Variants in PSMA1 observed in about 807,000 individuals in gnomAD.
PSMA1 encodes the protein proteasome subunit alpha type-1.
PSMA1 carries 3 observed loss-of-function variants against 38.4 expected under a neutral mutation model. The ratio of observed to expected loss-of-function variants is 0.08; its 90% CI spans 0.04 to 0.20. The LOEUF is 0.20. Ranked by LOEUF, PSMA1 falls within the 10% of genes least tolerant of loss-of-function variation. PSMA1 has a pLI of 1.00. For missense variants in PSMA1, 227 were observed against 325.3 expected (o/e 0.70, Z 2.32); for synonymous variants, 101 against 107.1 (o/e 0.94, Z 0.35).
chr11:14,605,938 A>G (rs776204140), intron 2 of PSMA1, among the ~76,000 whole-genome samples: 10 of 152,214 alleles, frequency 6.6e-5, no homozygotes, highest in Non-Finnish European at 1.5e-4. Flanking sequence ...TTAGAACGTC[A>G]TAAATTCTTT....
At chr11:14,554,516 C>T (rs1851921500) in intron 2 of PSMA1, among the ~76,000 whole-genome samples, 3 of 152,084 alleles carry the variant, frequency 2.0e-5, no homozygotes, top group African/African-American at 7.2e-5. Context: ...GGTTGAAGTT[C>T]ATTATTTTGC....
At chr11:14,569,636 G>A (rs949747170) in intron 2 of PSMA1, among the ~76,000 whole-genome samples, 5 of 152,288 alleles carry the variant, frequency 3.3e-5, no homozygotes, top group South Asian at 2.1e-4. Context: ...GAGATCAAAC[G>A]GCAAGGCGGC....
At chr11:14,527,453 T>C (rs1255693914) in intron 2 of PSMA1, among the ~76,000 whole-genome samples, 2 of 152,190 alleles carry the variant, frequency 1.3e-5, no homozygotes, top group African/African-American at 4.8e-5. Flanking sequence ...GCCTGCCTCT[T>C]AGAACCTCTC....
At chr11:14,518,500 A>C (rs1851473108) in intron 2 of PSMA1, among the ~76,000 whole-genome samples, 1 of 152,240 alleles carries the variant, frequency 6.6e-6, no homozygotes, top group Non-Finnish European at 1.5e-5. Context: ...CAGAATGAAC[A>C]CATCCGTTGT....
chr11:14,553,107 G>A (rs1284151846), intron 2 of PSMA1, among the ~76,000 whole-genome samples: 6 of 152,002 alleles, frequency 3.9e-5, no homozygotes, highest in Non-Finnish European at 5.9e-5. Flanking sequence ...TTACAGGTGT[G>A]AGCCATTACA....
chr11:14,569,399 A>G lies in PSMA1; in HGVS notation c.21+41567T>C, dbSNP rs200651659. Among the ~76,000 whole-genome samples, 6 of 152,292 alleles carry G rather than the reference A, an allele frequency of 3.9e-5. No individual in the cohort carries two copies. The East Asian group carries it at 1.2e-3, about 29-fold the overall frequency. ...GTGCAGCCCACAGAGCATGAGGTGA[A>G]GCAGGGTGGGGCATTACCTCACCTG... On this transcript the variant is annotated intron_variant, in intron 2 of 10. Transcript: ENST00000418988.
At chr11:14,508,131 T>C (rs919205448) in intron 8 of PSMA1, among the ~76,000 whole-genome samples, 1 of 152,180 alleles carries the variant, frequency 6.6e-6, no homozygotes, top group African/African-American at 2.4e-5. Context: ...TAATGATCAT[T>C]AACTTCAAGT....
At chr11:14,540,946 G>C (rs1851767014) in intron 2 of PSMA1, among the ~76,000 whole-genome samples, 1 of 151,950 alleles carries the variant, frequency 6.6e-6, no homozygotes, top group Admixed American at 6.6e-5. Flanking sequence ...TTGTGGGGTG[G>C]GGGGAGGAGG....
chr11:14,628,504 T>G lies in PSMA1; in HGVS notation c.-166+14951A>C, dbSNP rs916195892. On this transcript the variant is annotated intron_variant, in intron 1 of 10. Coordinates refer to the PSMA1 transcript ENST00000418988. ...CTACAAAGGACATGAACTCATCCTT[T>G]TTTATGGCTGCATAGTATTCCATGG... Among the ~76,000 whole-genome samples, 133 of 151,076 alleles carry G rather than the reference T, an allele frequency of 8.8e-4. 1 individual carries two copies. The highest frequency in any genetic ancestry group is 4.2e-4 in the South Asian group (2 of 4,728).
chr11:14,544,202 G>A (rs1252066705), intron 2 of PSMA1, among the ~76,000 whole-genome samples: 2 of 152,002 alleles, frequency 1.3e-5, no homozygotes, highest in East Asian at 1.9e-4. Context: ...GCTAATTTTC[G>A]TATTTTTTGC....
chr11:14,521,650 G>T (rs1337158275), upstream of PSMA1, among the ~76,000 whole-genome samples: 1 of 151,600 alleles, frequency 6.6e-6, no homozygotes, highest in East Asian at 1.9e-4. Flanking sequence ...GGGCGTGGTG[G>T]CGTGCCTCAG....
At chr11:14,547,088 G>C (rs1404348938) in intron 2 of PSMA1, among the ~76,000 whole-genome samples, 1 of 152,164 alleles carries the variant, frequency 6.6e-6, no homozygotes, top group Non-Finnish European at 1.5e-5. Flanking sequence ...CACAAATACA[G>C]TAAAATAATA....
intron 1 of PSMA1, among the ~76,000 whole-genome samples, chr11:14,615,511 G>A (rs1411955156): frequency 1.3e-5 from 2 of 151,806 alleles, no homozygotes; most frequent in African/African-American, 4.8e-5. Context: ...ACCTGAAACA[G>A]AGTTCCTGTG....
chr11:14,623,981 C>T (rs185035760), intron 1 of PSMA1, among the ~76,000 whole-genome samples: 3 of 152,178 alleles, frequency 2.0e-5, no homozygotes, highest in Admixed American at 2.0e-4. Flanking sequence ...TTAGCCAGCA[C>T]CATAATCCAG....
intron 2 of PSMA1, among the ~76,000 whole-genome samples, chr11:14,610,403 T>C (rs1274960627): frequency 1.3e-5 from 2 of 148,604 alleles, no homozygotes; most frequent in Admixed American, 1.3e-4. Context: ...CCACAGAGGC[T>C]ATTGCCTGTA....
At chr11:14,591,759 G>A (rs550794086) in intron 2 of PSMA1, among the ~76,000 whole-genome samples, 54 of 152,186 alleles carry the variant, frequency 3.5e-4, no homozygotes, top group African/African-American at 9.4e-4. Flanking sequence ...ACCAATCAGC[G>A]CCCTGTTAAA....
At chr11:14,531,685 C>A (rs1391803810) in intron 2 of PSMA1, among the ~76,000 whole-genome samples, 2 of 152,052 alleles carry the variant, frequency 1.3e-5, no homozygotes, top group African/African-American at 4.8e-5. Context: ...GTCTTGAACT[C>A]CTGAGCTCAA....
intron 1 of PSMA1, among the ~76,000 whole-genome samples, chr11:14,617,917 C>A (rs1228890375): frequency 6.6e-6 from 1 of 152,040 alleles, no homozygotes; most frequent in Admixed American, 6.6e-5. Context: ...TTGGTGTCAA[C>A]CTGGTTTTGA....
intron 2 of PSMA1, among the ~76,000 whole-genome samples, chr11:14,538,598 A>C (rs963309283): frequency 6.6e-6 from 1 of 152,254 alleles, no homozygotes; most frequent in Non-Finnish European, 1.5e-5. Context: ...GGGTAAATCA[A>C]GTTTTATACT....
Sources: allele counts gnomAD v4.1 joint callset (sites outside exome capture counted in the v4.1 genomes callset), GRCh38; gene constraint gnomAD v4.1.1; transcripts MANE v1.5; gene names NCBI Gene and HGNC (gene_info 2026-07-23, HGNC 2026-07-21).